KCNQ1: variants seen among roughly 807,000 people sequenced by gnomAD.
KCNQ1 encodes the protein potassium voltage-gated channel subfamily Q member 1.
KCNQ1 carries 49 observed loss-of-function variants against 72.4 expected under a neutral mutation model. The observed-to-expected ratio is 0.68, with a 90% CI of 0.54 to 0.86. KCNQ1 has a LOEUF of 0.86. KCNQ1 is among the 40% of genes least tolerant of loss of function. The pLI, the probability that KCNQ1 is intolerant of heterozygous loss-of-function variation, is 0.00. For synonymous variants in KCNQ1, 450 were observed against 412.6 expected (o/e 1.09, Z -1.10); for missense variants, 790 against 945.1 (o/e 0.84, Z 2.15).
intron 15 of KCNQ1, among the ~76,000 whole-genome samples, chr11:2,829,078 AAATTG>A (rs1383313767): frequency 2.6e-5 from 4 of 152,258 alleles, no homozygotes; most frequent in African/African-American, 9.6e-5. Flanking sequence ...GCACAGTCAA[AAATTG>A]TATCTACCAC....
chr11:2,610,167 A>G (rs1589980061), intron 10 of KCNQ1: 1 of 397,704 alleles, frequency 2.5e-6, no homozygotes, highest in East Asian at 3.6e-5. Context: ...ATTCTTCAAT[A>G]TTCTATTTGT....
intron 11 of KCNQ1, chr11:2,694,250 C>G (rs1333053835): frequency 3.3e-5 from 13 of 398,568 alleles, no homozygotes; most frequent in Non-Finnish European, 4.9e-5. Context: ...AAGCCAGGGC[C>G]TGCTGCCTTT....
At chr11:2,643,173 T>C (rs1247911590) in intron 10 of KCNQ1, 2 of 398,200 alleles carry the variant, frequency 5.0e-6, no homozygotes, top group Non-Finnish European at 8.9e-6. Flanking sequence ...GTCTGTTAGG[T>C]CCATTTGGTA....
rs1196242493 is a variant in KCNQ1 at position 2,679,609 on chromosome 11, G to A, written c.1514+17528G>A. On this transcript the variant is annotated intron_variant, in intron 11 of 15. Transcript: ENST00000155840. The surrounding 1 kb of genome is among the most constrained non-coding windows in gnomAD (Gnocchi z 4.8). ...ACAAAGCTGATGGGGAGGCGAGTTG[G>A]AATGAATAGTATCAGCATCAGAAAA... 4 of 398,492 alleles carry A rather than the reference G, an allele frequency of 1.0e-5. No individual in the cohort carries two copies. Among genetic ancestry groups the A allele is most frequent in the African/African-American group, 2.1e-5 (1 of 48,612 alleles). The allele number at this position is 398,492 out of a possible 1,614,324, so 24.7% of individuals were successfully genotyped here.
At chr11:2,470,712 G>T (rs1406864332) in intron 1 of KCNQ1, among the ~76,000 whole-genome samples, 1 of 151,438 alleles carries the variant, frequency 6.6e-6, no homozygotes, top group Non-Finnish European at 1.5e-5. Flanking sequence ...GGTGGGGGGG[G>T]GGGTGCTTAG....
chr11:2,780,436 AGCGGTGCCAATGCCC>A (rs1376336231), intron 15 of KCNQ1, among the ~76,000 whole-genome samples: 1 of 152,206 alleles, frequency 6.6e-6, no homozygotes, highest in Non-Finnish European at 1.5e-5. Context: ...GCAGGCGTGC[AGCGGTGCCAATGCCC>A]GCCGGCCCTG....
intron 11 of KCNQ1, chr11:2,680,077 A>C (rs1487544126): frequency 7.6e-6 from 3 of 395,492 alleles, no homozygotes; most frequent in Non-Finnish European, 1.3e-5. Context: ...TTTTTATTAG[A>C]GACAGGGTTT....
chr11:2,845,457 G>A (rs879634966), intron 15 of KCNQ1, among the ~76,000 whole-genome samples: 33 of 152,184 alleles, frequency 2.2e-4, no homozygotes, highest in Non-Finnish European at 4.4e-4. Flanking sequence ...AAGTGCTGGC[G>A]GGTCCTTGGG....
At chr11:2,845,499 C>T (rs1848308258) in intron 15 of KCNQ1, among the ~76,000 whole-genome samples, 1 of 152,184 alleles carries the variant, frequency 6.6e-6, no homozygotes, top group African/African-American at 2.4e-5. Context: ...GCCCTGGGCC[C>T]CTGCCCCTGC....
At chr11:2,804,674 G>A (rs761845813) in intron 15 of KCNQ1, among the ~76,000 whole-genome samples, 3 of 150,648 alleles carry the variant, frequency 2.0e-5, no homozygotes, top group Non-Finnish European at 4.4e-5. Context: ...ACTGCCCAGC[G>A]TGAAGCTGCA....
At chr11:2,822,280 G>A (rs773245728) in intron 15 of KCNQ1, among the ~76,000 whole-genome samples, 52 of 152,320 alleles carry the variant, frequency 3.4e-4, no homozygotes, top group Admixed American at 7.2e-4. Flanking sequence ...CACGTGTTGC[G>A]CTATGCTTGT....
chr11:2,503,107 C>G (rs1043018876), intron 1 of KCNQ1, among the ~76,000 whole-genome samples: 1 of 152,098 alleles, frequency 6.6e-6, no homozygotes, highest in Non-Finnish European at 1.5e-5. Flanking sequence ...AGAAACTCTC[C>G]AGGACATTGG....
chr11:2,532,816 G>A (rs1248428417), intron 2 of KCNQ1, among the ~76,000 whole-genome samples: 1 of 152,188 alleles, frequency 6.6e-6, no homozygotes, highest in Non-Finnish European at 1.5e-5. Flanking sequence ...GAGGAGTGAG[G>A]ACGGCTGTTG....
chr11:2,837,253 G>A (rs531494314), intron 15 of KCNQ1, among the ~76,000 whole-genome samples: 3 of 152,298 alleles, frequency 2.0e-5, no homozygotes, highest in Non-Finnish European at 4.4e-5. Context: ...GGCTGTGGGC[G>A]TGGCCAATGT....
intron 11 of KCNQ1, among the ~76,000 whole-genome samples, chr11:2,709,568 C>G (rs1297701427): frequency 6.6e-6 from 1 of 152,144 alleles, no homozygotes; most frequent in Non-Finnish European, 1.5e-5. Flanking sequence ...AACCATCACA[C>G]TATCTAGTTC....
rs890386989 is a variant in KCNQ1, at chr11:2,536,533, T to A, written c.477+8515T>A. ...AGCCCTCCCAGCGAGACACTGAGGG[T>A]CGGGAGGGTAACATGTGATTTTGAG... On this transcript the variant is annotated intron_variant, in intron 2 of 15. Transcript: ENST00000155840. This position sits in a 1 kb window ranked among gnomAD's most constrained non-coding sequence, Gnocchi z 7.4. Among the ~76,000 whole-genome samples, 2 of 151,594 alleles carry A rather than the reference T, an allele frequency of 1.3e-5. No homozygotes were observed. The highest frequency in any genetic ancestry group is 2.9e-5 in the Non-Finnish European group (2 of 67,896).
Position 2,653,637 on chromosome 11 carries a change from C to T in KCNQ1, c.1394-8324C>T. ...GGATGGCTGTATCCTTAGGCAGCTACTTTCTAAAAGGGGCAAAATGGCCAC... is the reference window on the plus strand; with the variant it reads ...GGATGGCTGTATCCTTAGGCAGCTATTTTCTAAAAGGGGCAAAATGGCCAC... On this transcript the variant is annotated intron_variant, in intron 10 of 15. Transcript: ENST00000155840. The surrounding 1 kb of genome is among the most constrained non-coding windows in gnomAD (Gnocchi z 5.3). The T allele has an allele frequency of 2.5e-6, 1 of 398,642 alleles. No individual in the cohort carries two copies. Among genetic ancestry groups the T allele is most frequent in the East Asian group, 3.6e-5 (1 of 28,082 alleles). The allele number at this position is 398,642 out of a possible 1,614,324, so 24.7% of individuals were successfully genotyped here.
At chr11:2,702,598 A>T (rs1850834450) in intron 11 of KCNQ1, among the ~76,000 whole-genome samples, 1 of 152,072 alleles carries the variant, frequency 6.6e-6, no homozygotes, top group Non-Finnish European at 1.5e-5. Context: ...CAAGTAGTTG[A>T]TTCATTTATA....
chr11:2,777,829 C>A lies in KCNQ1; in HGVS notation c.1733-147C>A, dbSNP rs1340503414. The A allele has an allele frequency of 1.4e-5, 10 of 699,810 alleles. No homozygotes were observed. The Admixed American group carries it at 2.1e-4, about 15-fold the overall frequency. 43.4% of individuals were successfully genotyped at this position (699,810 alleles called of 1,614,324 possible). ...ACCACCCCTGGTATTTTTGTCATAG[C>A]ATGCTTTTTAAAAATGTCCTAGTAG... On this transcript the variant is annotated intron_variant, in intron 14 of 15. Transcript: ENST00000155840.
Sources: allele counts gnomAD v4.1 joint callset (sites outside exome capture counted in the v4.1 genomes callset), GRCh38; gene constraint gnomAD v4.1.1; non-coding constraint Gnocchi (gnomAD v3.1); transcripts MANE v1.5; gene names NCBI Gene and HGNC (gene_info 2026-07-23, HGNC 2026-07-21).